PPP2R5E: variants seen among roughly 807,000 people sequenced by gnomAD.
PPP2R5E encodes protein phosphatase 2 regulatory subunit B'epsilon, also known as serine/threonine-protein phosphatase 2A 56 kDa regulatory subunit epsilon isoform.
In PPP2R5E, 4 loss-of-function variants were observed where a neutral mutation model predicts 65.3. The observed-to-expected ratio is 0.06, with a 90% confidence interval of 0.03 to 0.14. PPP2R5E has a LOEUF of 0.14. PPP2R5E is among the 10% of genes least tolerant of loss of function. The pLI, the probability that PPP2R5E is intolerant of heterozygous loss-of-function variation, is 1.00. For synonymous variants in PPP2R5E, 183 were observed against 187.4 expected, an observed-to-expected ratio of 0.98 and a Z score of 0.19; for missense variants, 274 against 556.1, an observed-to-expected ratio of 0.49 and a Z score of 5.10.
In PPP2R5E at chr14:63,507,106, C is replaced by T. The variant is rs566636830; in HGVS notation, c.157+32423G>A. ...CTGGGACAAGAGTATTAAATGCACCCATTACCTCCTATCCCAGGCCACTGC... is the reference window on the plus strand; with the variant it reads ...CTGGGACAAGAGTATTAAATGCACCTATTACCTCCTATCCCAGGCCACTGC... On this transcript the variant is annotated intron_variant, in intron 2 of 13. Transcript: ENST00000337537. Among the ~76,000 whole-genome samples the T allele has an allele frequency of 3.3e-5, 5 of 152,252 alleles. No homozygotes were observed. In the East Asian group the frequency reaches 9.6e-4, roughly 29 times the overall value.
intron 3 of PPP2R5E, chr14:63,451,977 G>A (rs2139471801): frequency 6.6e-6 from 1 of 152,246 alleles, no homozygotes; most frequent in South Asian, 2.1e-4. Context: ...ATAGAGTACT[G>A]CTTAAATATG....
chr14:63,538,976 A>G (rs775823277), intron 2 of PPP2R5E, among the ~76,000 whole-genome samples: 3 of 152,120 alleles, frequency 2.0e-5, no homozygotes, highest in Non-Finnish European at 4.4e-5. Flanking sequence ...AAAAGATCAT[A>G]CTAAACAAGT....
At chr14:63,501,944 G>C (rs118117987) in intron 2 of PPP2R5E, among the ~76,000 whole-genome samples, 21 of 152,022 alleles carry the variant, frequency 1.4e-4, no homozygotes, top group Admixed American at 1.3e-3. Flanking sequence ...AGCCTGGCTG[G>C]AGTGCAGTGG....
At chr14:63,424,622 G>A (rs987480687) in intron 3 of PPP2R5E, among the ~76,000 whole-genome samples, 1 of 151,936 alleles carries the variant, frequency 6.6e-6, no homozygotes, top group Non-Finnish European at 1.5e-5. Context: ...GTGGTGGCGG[G>A]CGCCTGTAGT....
chr14:63,510,099 G>GACCAT (rs1475876285), intron 2 of PPP2R5E, among the ~76,000 whole-genome samples: 2 of 152,144 alleles, frequency 1.3e-5, no homozygotes, highest in East Asian at 3.8e-4. Context: ...AAAGAAAAAT[G>GACCAT]ACCATAAAGT....
intron 2 of PPP2R5E, among the ~76,000 whole-genome samples, chr14:63,513,510 A>C (rs549029159): frequency 6.6e-6 from 1 of 152,350 alleles, no homozygotes; most frequent in East Asian, 1.9e-4. Context: ...CACACTAATG[A>C]AGGGATAAAA....
intron 5 of PPP2R5E, among the ~76,000 whole-genome samples, chr14:63,397,724 CT>C (rs750438698): frequency 0.018 from 2,444 of 138,736 alleles, 52 homozygotes; most frequent in African/African-American, 0.053. Context: ...ATGTGAATAA[CT>C]TTTTTTTTTT....
intron 3 of PPP2R5E, among the ~76,000 whole-genome samples, chr14:63,426,575 G>T (rs1887345094): frequency 1.3e-5 from 2 of 151,806 alleles, no homozygotes; most frequent in Admixed American, 1.3e-4. Context: ...ATACGTTAAA[G>T]ATATACACTG....
chr14:63,540,647 C>T (rs1211872490), intron 1 of PPP2R5E, among the ~76,000 whole-genome samples: 8 of 146,476 alleles, frequency 5.5e-5, no homozygotes, highest in Admixed American at 2.1e-4. Context: ...CACTTGAACC[C>T]GGGAGGCGGA....
chr14:63,513,778 T>C (rs896480544), intron 2 of PPP2R5E, among the ~76,000 whole-genome samples: 6 of 152,190 alleles, frequency 3.9e-5, no homozygotes, highest in Non-Finnish European at 8.8e-5. Context: ...GAGAAACTTA[T>C]ATAGCGCTCA....
chr14:63,453,745 T>C lies in PPP2R5E; in HGVS notation c.298A>G (p.Ile100Val), dbSNP rs1214604524. 3 of 1,613,902 alleles carry C rather than the reference T, an allele frequency of 1.9e-6. No homozygotes were observed. The highest frequency in any genetic ancestry group is 1.7e-5 in the Admixed American group (1 of 59,936). The change falls in exon 3 of 14, where the codon ATT becomes GTT. Residue 100 changes from isoleucine (I) to valine (V), a missense_variant. Physicochemically the swap from Ile to Val is conservative, Grantham distance 29 (BLOSUM62 3). Coordinates refer to ENST00000337537, the MANE Select transcript of PPP2R5E (RefSeq NM_006246.5). ...GTCAAACAGCCTCTGCTTATTGTAATGTAGTCCACCAGTTCATTAAGAGTG... is the reference window on the plus strand; with the variant it reads ...GTCAAACAGCCTCTGCTTATTGTAACGTAGTCCACCAGTTCATTAAGAGTG... Reference protein sequence around the residue: ...RSTLNELVDYITISRGCLTEQ... With the variant: ...RSTLNELVDYVTISRGCLTEQ...
At chr14:63,455,378 A>T (rs928530547) in intron 2 of PPP2R5E, among the ~76,000 whole-genome samples, 11 of 152,212 alleles carry the variant, frequency 7.2e-5, no homozygotes, top group African/African-American at 2.2e-4. Flanking sequence ...TCTACCAGAC[A>T]TTAGAGAACA....
chr14:63,484,021 T>C (rs1232014246), intron 2 of PPP2R5E, among the ~76,000 whole-genome samples: 1 of 147,862 alleles, frequency 6.8e-6, no homozygotes, highest in Non-Finnish European at 1.5e-5. Flanking sequence ...GAGGCGGAGG[T>C]TGCAGTAAGC....
chr14:63,377,141 T>A (rs1884034162), intron 13 of PPP2R5E, among the ~76,000 whole-genome samples: 1 of 148,002 alleles, frequency 6.8e-6, no homozygotes, highest in Admixed American at 6.8e-5. Flanking sequence ...AGAGCAAGAC[T>A]CCGTCTCCAA....
At chr14:63,491,874 C>A (rs4902231) in intron 2 of PPP2R5E, among the ~76,000 whole-genome samples, 22,139 of 151,998 alleles carry the variant, frequency 0.15, 1,742 homozygotes, top group East Asian at 0.21. Context: ...TAATCAATTT[C>A]TTCTGTTTTT....
In PPP2R5E at chr14:63,534,719, G is replaced by A. The variant is rs538201656; in HGVS notation, c.157+4810C>T. Among the ~76,000 whole-genome samples, 93 of 152,004 alleles carry A rather than the reference G, an allele frequency of 6.1e-4. 1 individual carries two copies. Among genetic ancestry groups the A allele is most frequent in the African/African-American group, 1.7e-3 (71 of 41,472 alleles). ...ACTGCAGCCTCAGCCTCCTGGGCTC[G>A]GGCAATCCTTCTGCCTCAGCCTCCC... On this transcript the variant is annotated intron_variant, in intron 2 of 13. Coordinates refer to ENST00000337537, the MANE Select transcript of PPP2R5E (RefSeq NM_006246.5).
At position 63,543,147 on chromosome 14, in the gene PPP2R5E, G is replaced by GCGA. The variant is rs1163864835; in HGVS notation, c.-379_-377dup. On this transcript the variant is annotated 5_prime_UTR_variant, in exon 1 of 14. Transcript: ENST00000337537. ...CGTTGCCCCGGACCCGGCGGCGGCGGCGACGACGTGGGGAGGGGGGGAAGG... is the reference window on the plus strand; with the variant it reads ...CGTTGCCCCGGACCCGGCGGCGGCGGCGACGACGACGTGGGGAGGGGGGGAAGG... 1 of 153,858 alleles carries GCGA rather than the reference G, an allele frequency of 6.5e-6. No individual in the cohort carries two copies. Among genetic ancestry groups the GCGA allele is most frequent in the African/African-American group, 2.4e-5 (1 of 41,478 alleles). 9.5% of individuals were successfully genotyped at this position (153,858 alleles called of 1,614,324 possible). A position where few individuals can be genotyped will look rare whatever the true frequency, so the allele number is the denominator to read the frequency against.
chr14:63,504,297 A>G (rs1367359520), intron 2 of PPP2R5E, among the ~76,000 whole-genome samples: 1 of 152,168 alleles, frequency 6.6e-6, no homozygotes, highest in East Asian at 1.9e-4. Context: ...CAAGAAGTCA[A>G]TTGGCCAGGC....
intron 1 of PPP2R5E, among the ~76,000 whole-genome samples, chr14:63,541,136 G>C (rs1893885340): frequency 6.6e-6 from 1 of 152,168 alleles, no homozygotes; most frequent in Non-Finnish European, 1.5e-5. Flanking sequence ...TGCTATGTTA[G>C]CTATGATAAA....
Sources: allele counts gnomAD v4.1 joint callset (sites outside exome capture counted in the v4.1 genomes callset), GRCh38; gene constraint gnomAD v4.1.1; transcripts MANE v1.5; gene names NCBI Gene and HGNC (gene_info 2026-07-23, HGNC 2026-07-21).